Variants in SEPTIN7 observed in about 807,000 individuals in gnomAD.
The protein encoded by SEPTIN7 is septin-7.
A neutral mutation model predicts 63.3 loss-of-function variants in SEPTIN7; 10 were observed. The observed-to-expected ratio is 0.16, with a 90% CI of 0.10 to 0.27. The LOEUF is 0.27. SEPTIN7 is among the 10% of genes least tolerant of loss of function. The probability of loss-of-function intolerance (pLI) is 1.00; values close to 1 mark genes in which losing one functional copy is unlikely to be tolerated. For synonymous variants in SEPTIN7, 131 were observed against 165.3 expected (o/e 0.79, Z 1.59); for missense variants, 310 against 521.0 (o/e 0.59, Z 3.94).
At chr7:35,867,085 G>A (rs1192138634) in intron 4 of SEPTIN7, among the ~76,000 whole-genome samples, 4 of 152,088 alleles carry the variant, frequency 2.6e-5, no homozygotes, top group African/African-American at 7.2e-5. Flanking sequence ...AGAGGGAAGT[G>A]TTTTACCTTA....
At chr7:35,913,166 A>G in the SEPTIN7 span, among the ~76,000 whole-genome samples, 1 of 152,256 alleles carries the variant, frequency 6.6e-6, no homozygotes. Context: ...TCAGAGGGTT[A>G]TGGACTCTCA....
chr7:35,885,733 T>G (rs1430894164), intron 9 of SEPTIN7, 95 bp from the exon 10 acceptor site: 5 of 919,858 alleles, frequency 5.4e-6, no homozygotes, highest in African/African-American at 4.9e-5. Flanking sequence ...GCATTTCCTC[T>G]TCTTGTTTTT....
At chr7:35,879,748 C>A in intron 6 of SEPTIN7, 75 bp from the exon 7 acceptor site, 1 of 806,278 alleles carries the variant, frequency 1.2e-6, no homozygotes. Context: ...TTGTATTTAA[C>A]TAGCATTGGG....
chr7:35,873,575 C>G (rs1583600008), intron 5 of SEPTIN7, 66 bp from the exon 6 acceptor site: 2 of 1,486,184 alleles, frequency 1.3e-6, no homozygotes, highest in East Asian at 2.4e-5. Flanking sequence ...GATTATTGTC[C>G]TTTAACAGTC....
intron 11 of SEPTIN7, among the ~76,000 whole-genome samples, chr7:35,897,705 G>A (rs1303429046): frequency 6.6e-6 from 1 of 152,030 alleles, no homozygotes; most frequent in Non-Finnish European, 1.5e-5. Flanking sequence ...TTATCATAAG[G>A]GGCCTAGAAA....
chr7:35,839,121 T>C (rs533965678), intron 3 of SEPTIN7, among the ~76,000 whole-genome samples: 1 of 152,272 alleles, frequency 6.6e-6, no homozygotes, highest in East Asian at 1.9e-4. Context: ...TAGAAAGAAA[T>C]AAACATGGTG....
intron 3 of SEPTIN7, among the ~76,000 whole-genome samples, chr7:35,850,333 G>A (rs1420030331): frequency 2.6e-5 from 4 of 152,082 alleles, no homozygotes; most frequent in African/African-American, 9.7e-5. Flanking sequence ...GATTGAACTA[G>A]GATTTGAATT....
intron 3 of SEPTIN7, 119 bp from the exon 4 acceptor site, chr7:35,863,433 A>C: frequency 1.7e-6 from 1 of 599,820 alleles, no homozygotes; most frequent in Non-Finnish European, 2.9e-6. Flanking sequence ...TTCTAATGTC[A>C]TTTCATTGTC....
At chr7:35,911,609 C>A (rs1226844959), downstream of SEPTIN7, among the ~76,000 whole-genome samples, 5 of 152,198 alleles carry the variant, frequency 3.3e-5, no homozygotes, top group Non-Finnish European at 7.3e-5. Context: ...TTCAGCTGAT[C>A]TGAACAAAAC....
At chr7:35,858,681 C>CTTT (rs376678701) in intron 3 of SEPTIN7, among the ~76,000 whole-genome samples, 2 of 127,318 alleles carry the variant, frequency 1.6e-5, no homozygotes, top group South Asian at 2.5e-4. Flanking sequence ...TTTTCTTTTT[C>CTTT]TTTTTTTTTT....
chr7:35,813,817 C>T (rs1052830457), intron 1 of SEPTIN7, among the ~76,000 whole-genome samples: 17 of 152,098 alleles, frequency 1.1e-4, no homozygotes, highest in African/African-American at 4.1e-4. Context: ...GGATATTGAT[C>T]ATTTCACATT....
chr7:35,872,421 A>C (rs1318195366), intron 4 of SEPTIN7, among the ~76,000 whole-genome samples: 1 of 152,184 alleles, frequency 6.6e-6, no homozygotes, highest in Non-Finnish European at 1.5e-5. Flanking sequence ...AGTATGAGTC[A>C]TAAACCCAGT....
chr7:35,889,547 C>CT (rs1171162263), intron 10 of SEPTIN7, among the ~76,000 whole-genome samples: 5 of 151,708 alleles, frequency 3.3e-5, no homozygotes, highest in South Asian at 2.1e-4. Context: ...CAACAATACA[C>CT]TTTTTTTTTC....
intron 1 of SEPTIN7, among the ~76,000 whole-genome samples, chr7:35,814,935 A>G (rs1270891021): frequency 7.2e-6 from 1 of 139,252 alleles, no homozygotes; most frequent in African/African-American, 2.7e-5. Context: ...AGATCTCGCC[A>G]CTGCACTCCA....
At chr7:35,879,546 T>C (rs1786703638) in intron 6 of SEPTIN7, 1 of 234,466 alleles carries the variant, frequency 4.3e-6, no homozygotes, top group South Asian at 1.2e-4. Context: ...TAGAGATAAT[T>C]CTAGGAAATT....
At position 35,885,870 on chromosome 7, in the gene SEPTIN7, T is replaced by C. The variant is rs769341158; in HGVS notation, c.863T>C (p.Met288Thr). 3 of 1,601,784 alleles carry C rather than the reference T, an allele frequency of 1.9e-6. No individual in the cohort carries two copies. The highest frequency in any genetic ancestry group is 1.3e-5 in the African/African-American group (1 of 74,662). Residue 288 changes from methionine to threonine, a missense_variant, in exon 10 of 14, where the codon ATG (methionine) becomes ACG (threonine). Physicochemically the swap from Met to Thr is moderately conservative, Grantham distance 81 (BLOSUM62 -1). This residue lies in a region of SEPTIN7 where 255 missense variants were observed against 490.5 expected (regional missense o/e 0.52). Transcript: ENST00000350320. ...TGTGATTTTACAATCCTAAGAAATA[T>C]GTTGATAAGGTAAGTGCAAGCAATG... Reference protein sequence around the residue: ...EHCDFTILRNMLIRTHMQDLK... With the variant: ...EHCDFTILRNTLIRTHMQDLK...
the SEPTIN7 span, among the ~76,000 whole-genome samples, chr7:35,914,680 C>G: frequency 6.6e-6 from 1 of 151,794 alleles, no homozygotes; most frequent in African/African-American, 2.4e-5. Flanking sequence ...TATACACACA[C>G]ACACATAAAT....
intron 1 of SEPTIN7, among the ~76,000 whole-genome samples, chr7:35,803,377 GACA>G (rs1232689439): frequency 4.6e-5 from 7 of 152,186 alleles, no homozygotes; most frequent in Admixed American, 2.0e-4. Context: ...AATATGCTAG[GACA>G]ACAACAACAA....
rs778812578 is a variant in SEPTIN7, at chr7:35,894,441, G to A, written c.998+3648G>A. 5.0e-4 allele frequency among the ~76,000 whole-genome samples: 76 copies of A among 152,242 alleles called. 1 individual carries two copies. Among genetic ancestry groups the A allele is most frequent in the Admixed American group, 5.2e-4 (8 of 15,284 alleles). On this transcript the variant is annotated intron_variant, in intron 11 of 13. Coordinates refer to ENST00000350320, the MANE Select transcript of SEPTIN7 (RefSeq NM_001788.6). Reference sequence around the variant, plus strand: ...CAGATTCTCAGAATTCTTGATACATGACAGAGTTTTCATTGATCTAAATAG... The same window carrying A: ...CAGATTCTCAGAATTCTTGATACATAACAGAGTTTTCATTGATCTAAATAG...
Sources: allele counts gnomAD v4.1 joint callset (sites outside exome capture counted in the v4.1 genomes callset), GRCh38; gene constraint gnomAD v4.1.1; regional missense constraint gnomAD v4.1.1; transcripts MANE v1.5; gene names NCBI Gene and HGNC (gene_info 2026-07-23, HGNC 2026-07-21).